The following ACY3 variants were observed in gnomAD, a reference collection of about 807,000 sequenced individuals.
ACY3 encodes aminoacylase 3.
Under a neutral mutation model 24.6 loss-of-function variants are expected in ACY3, and 20 were observed. The observed-to-expected ratio is 0.81, with a 90% CI of 0.57 to 1.18. The LOEUF (loss-of-function observed/expected upper bound fraction) is 1.18. Among genes scored for constraint, ACY3 ranks in the 50% most tolerant of loss-of-function variants. ACY3 has a pLI of 0.00. For missense variants in ACY3, 423 were observed against 426.8 expected (o/e 0.99, Z 0.08); for synonymous variants, 174 against 188.4 (o/e 0.92, Z 0.62).
At chr11:67,648,825 A>C (rs1234969237) in intron 1 of ACY3, among the ~76,000 whole-genome samples, 1 of 152,174 alleles carries the variant, frequency 6.6e-6, no homozygotes, top group Non-Finnish European at 1.5e-5. Flanking sequence ...GGGATTTGTC[A>C]TCCTGGCTCC....
intron 1 of ACY3, among the ~76,000 whole-genome samples, chr11:67,649,906 G>T (rs1170674984): frequency 6.7e-6 from 1 of 148,800 alleles, no homozygotes; most frequent in East Asian, 1.9e-4. Flanking sequence ...GAGAGCGTGT[G>T]TGCGTGCATG....
At chr11:67,648,785 G>T (rs1855563311) in intron 1 of ACY3, among the ~76,000 whole-genome samples, 1 of 152,200 alleles carries the variant, frequency 6.6e-6, no homozygotes. Flanking sequence ...AAGGCTTCGT[G>T]AGCTCAGAGC....
chr11:67,649,032 C>A (rs1335167005), intron 1 of ACY3, among the ~76,000 whole-genome samples: 1 of 152,160 alleles, frequency 6.6e-6, no homozygotes, highest in African/African-American at 2.4e-5. Flanking sequence ...TCCGGCCCAG[C>A]CCTGGGGGCA....
At chr11:67,646,284 T>C (rs1025787768) in intron 3 of ACY3, among the ~76,000 whole-genome samples, 21 of 152,224 alleles carry the variant, frequency 1.4e-4, no homozygotes, top group African/African-American at 5.1e-4. Flanking sequence ...CACCATTGCC[T>C]CCAGGAAGCC....
In ACY3 at chr11:67,645,883, T is replaced by A; in HGVS notation, c.241A>T (p.Arg81Trp). The A allele has an allele frequency of 6.3e-7, 1 of 1,593,164 alleles. No homozygotes were observed. Among genetic ancestry groups the A allele is most frequent in the Non-Finnish European group, 8.6e-7 (1 of 1,168,816 alleles). Residue 81 changes from arginine (R) to tryptophan (W), a missense_variant, in exon 4 of 8, where the codon AGG becomes TGG. Transcript: ENST00000255082. ...TCATATGGGTCGTCCGGGGTGGGCC[T>A]GGAACTGTGGAGACGGGAATGGGGG... ...RTFTSSFLNS[R>W]PTPDDPYEVT...
At position 67,645,761 on chromosome 11, in the gene ACY3, G is replaced by T. The variant is rs1187063290; in HGVS notation, c.363C>A (p.Asn121Lys). 1 of 1,613,812 alleles carries T rather than the reference G, an allele frequency of 6.2e-7. No homozygotes were observed. Among genetic ancestry groups the T allele is most frequent in the East Asian group, 2.2e-5 (1 of 44,894 alleles). The change falls in exon 4 of 8, where the codon AAC (asparagine) becomes AAA (lysine). Residue 121 changes from asparagine to lysine, a missense_variant. Transcript: ENST00000255082. ...FVLDLHNTTA[N>K]MGTCLIAKSS... Reference sequence around the variant, plus strand: ...ACTTCGCGATTAAGCAGGTGCCCATGTTGGCCGTGGTGTTGTGCAGGTCAA... The same window carrying T: ...ACTTCGCGATTAAGCAGGTGCCCATTTTGGCCGTGGTGTTGTGCAGGTCAA...
At chr11:67,644,280 G>C (rs1424996299) in intron 7 of ACY3, among the ~76,000 whole-genome samples, 1 of 152,162 alleles carries the variant, frequency 6.6e-6, no homozygotes, top group Non-Finnish European at 1.5e-5. Context: ...AGGCACCCAA[G>C]GGAAAGGTGT....
Position 67,645,778 on chromosome 11 carries a change from G to T in ACY3, c.346C>A (p.His116Asn). ...GQAFDFVLDL[H>N]NTTANMGTCL... ...GTGCCCATGTTGGCCGTGGTGTTGT[G>T]CAGGTCAAGGACAAAGTCAAAGGCC... The change falls in exon 4 of 8, where the codon CAC becomes AAC. Residue 116 changes from histidine (H) to asparagine (N), a missense_variant. Physicochemically the swap from His to Asn is moderately conservative, Grantham distance 68. Transcript: ENST00000255082. The T allele has an allele frequency of 6.2e-7, 1 of 1,614,028 alleles. No individual in the cohort carries two copies. The highest frequency in any genetic ancestry group is 8.5e-7 in the Non-Finnish European group (1 of 1,179,968).
intron 1 of ACY3, among the ~76,000 whole-genome samples, chr11:67,649,854 A>C (rs2361142): frequency 7.0e-6 from 1 of 142,840 alleles, no homozygotes; most frequent in South Asian, 2.3e-4. Context: ...GCGTGTGTGC[A>C]TGAGAGTGTG....
At chr11:67,646,683 G>A (rs1855522115) in intron 3 of ACY3, 125 bp downstream of exon 3, 4 of 926,316 alleles carry the variant, frequency 4.3e-6, no homozygotes, top group Non-Finnish European at 6.8e-6. Flanking sequence ...GGAGGAATGG[G>A]CCACATAGGC....
rs774215138 is a variant in ACY3 at position 67,645,061 on chromosome 11, G to A, written c.618C>T (p.Ile206=). The change falls in exon 6 of 8, where the codon ATC becomes ATT. Residue 206 remains isoleucine (I), a synonymous_variant. Transcript: ENST00000255082. ...RTLVATVLDF[I]ELFNQGTAFP... ...GGGTCTCACCCTGGTTGAAGAGTTC[G>A]ATGAAGTCCAGAACTGTGGCCACCA... The A allele has an allele frequency of 1.0e-4, 163 of 1,613,782 alleles. No homozygotes were observed. The highest frequency in any genetic ancestry group is 1.3e-4 in the Non-Finnish European group (154 of 1,179,964).
At chr11:67,643,371 A>G (rs1026583383) in intron 7 of ACY3, among the ~76,000 whole-genome samples, 2 of 152,250 alleles carry the variant, frequency 1.3e-5, no homozygotes, top group Admixed American at 1.3e-4. Context: ...CGGTAAGTAC[A>G]ATATGATTCT....
chr11:67,647,087 AC>A (rs1265510545), intron 2 of ACY3, 24 bp from the exon 3 acceptor site: 1 of 1,432,288 alleles, frequency 7.0e-7, no homozygotes, highest in Non-Finnish European at 9.2e-7. Flanking sequence ...TACTTAGGAG[AC>A]CCTGGCCCCG....
intron 1 of ACY3, among the ~76,000 whole-genome samples, chr11:67,649,838 ATGTGTGCG>A (rs1855592529): frequency 7.0e-6 from 1 of 142,284 alleles, no homozygotes; most frequent in Admixed American, 7.0e-5. Flanking sequence ...GTGTGTGTAC[ATGTGTGCG>A]TGTGTGCATG....
Position 67,645,270 on chromosome 11 carries a change from A to T in ACY3, c.526+17T>A, listed in dbSNP as rs1213683906. The T allele has an allele frequency of 1.2e-6, 2 of 1,613,004 alleles. No homozygotes were observed. The highest frequency in any genetic ancestry group is 8.5e-7 in the Non-Finnish European group (1 of 1,179,828). On this transcript the variant is annotated intron_variant, in intron 5 of 7. Transcript: ENST00000255082. ...GCCCTCCTGGCCCCGCCCACTTCTCAGAAGGCTGCGGCCCACCCAGTCCAT... is the reference window on the plus strand; with the variant it reads ...GCCCTCCTGGCCCCGCCCACTTCTCTGAAGGCTGCGGCCCACCCAGTCCAT...
intron 7 of ACY3, among the ~76,000 whole-genome samples, chr11:67,644,065 C>T (rs1469327195): frequency 6.6e-6 from 1 of 152,108 alleles, no homozygotes; most frequent in South Asian, 2.1e-4. Flanking sequence ...ACTGTTATGA[C>T]TGAACGTCTG....
intron 4 of ACY3, 113 bp downstream of exon 4, chr11:67,645,579 G>A: frequency 1.5e-6 from 2 of 1,367,850 alleles, no homozygotes; most frequent in South Asian, 1.5e-5. Context: ...GAGCCCAGGG[G>A]AAACTAGGCC....
At chr11:67,642,976 A>G (rs373512387) in intron 7 of ACY3, 37 bp from the exon 8 acceptor site, 2 of 1,589,030 alleles carry the variant, frequency 1.3e-6, no homozygotes, top group African/African-American at 2.7e-5. Context: ...TGCTGGGGCC[A>G]CCTCTGCCCT....
intron 1 of ACY3, among the ~76,000 whole-genome samples, chr11:67,650,198 G>A (rs1457216285): frequency 6.6e-6 from 1 of 152,034 alleles, no homozygotes; most frequent in Non-Finnish European, 1.5e-5. Context: ...CTGCAGTTGG[G>A]GAAACTGAGA....
Sources: gnomAD v4.1 joint callset for allele counts (sites outside exome capture counted in the v4.1 genomes callset) on GRCh38, gnomAD v4.1.1 for gene constraint, MANE v1.5 for transcripts, NCBI Gene and HGNC (gene_info 2026-07-23, HGNC 2026-07-21) for gene names.